Variants in FARS2 observed in about 807,000 individuals in gnomAD.
FARS2 encodes phenylalanine--tRNA ligase, mitochondrial.
A neutral mutation model predicts 46.4 loss-of-function variants in FARS2; 40 were observed. The observed-to-expected ratio is 0.86, with a 90% confidence interval of 0.67 to 1.12. FARS2 has a LOEUF of 1.12. FARS2 is among the 50% of genes most tolerant of loss of function. The pLI is 0.00. For synonymous variants in FARS2, 234 were observed against 214.9 expected (o/e 1.09, Z -0.78); for missense variants, 513 against 567.9 (o/e 0.90, Z 0.98).
At chr6:5,757,446 A>C (rs1762264184) in intron 6 of FARS2, among the ~76,000 whole-genome samples, 2 of 152,138 alleles carry the variant, frequency 1.3e-5, no homozygotes, top group Non-Finnish European at 2.9e-5. Flanking sequence ...AAAGATAGCC[A>C]GACCTCCAAA....
chr6:5,590,310 AG>A (rs1773842523), intron 5 of FARS2, among the ~76,000 whole-genome samples: 1 of 152,266 alleles, frequency 6.6e-6, no homozygotes, highest in African/African-American at 2.4e-5. Flanking sequence ...TTCTCTGTGG[AG>A]CTTTCAGAGG....
intron 4 of FARS2, among the ~76,000 whole-genome samples, chr6:5,445,265 T>C (rs1011780564): frequency 2.0e-5 from 3 of 152,198 alleles, no homozygotes; most frequent in African/African-American, 7.2e-5. Flanking sequence ...TCTTGCTTCA[T>C]GGGATCACTG....
intron 2 of FARS2, among the ~76,000 whole-genome samples, chr6:5,388,267 G>A (rs187749921): frequency 2.0e-5 from 3 of 152,230 alleles, no homozygotes; most frequent in Non-Finnish European, 4.4e-5. Context: ...TGGCAGGGGG[G>A]AAATGGTTGC....
At chr6:5,578,581 G>C (rs1288665467) in intron 5 of FARS2, among the ~76,000 whole-genome samples, 1 of 151,880 alleles carries the variant, frequency 6.6e-6, no homozygotes, top group Non-Finnish European at 1.5e-5. Context: ...AGGCCGAGTT[G>C]GGCAGATCAT....
intron 6 of FARS2, among the ~76,000 whole-genome samples, chr6:5,649,558 C>T (rs1191047411): frequency 3.9e-5 from 6 of 152,204 alleles, no homozygotes; most frequent in Admixed American, 6.5e-5. Context: ...GGTGTTCGCC[C>T]TACCTGGCAC....
At chr6:5,514,090 A>T (rs896541339) in intron 4 of FARS2, among the ~76,000 whole-genome samples, 10 of 39,392 alleles carry the variant, frequency 2.5e-4, no homozygotes, top group African/African-American at 9.1e-4. Flanking sequence ...AAATCTGGAC[A>T]TATATATATA....
At chr6:5,299,780 C>A (rs538820626) in intron 1 of FARS2, among the ~76,000 whole-genome samples, 22 of 147,478 alleles carry the variant, frequency 1.5e-4, no homozygotes. Flanking sequence ...TGAGAACATG[C>A]GGTGTTTGGT....
chr6:5,303,889 T>G (rs1768503753), intron 1 of FARS2, among the ~76,000 whole-genome samples: 2 of 150,460 alleles, frequency 1.3e-5, no homozygotes, highest in African/African-American at 5.0e-5. Context: ...ACACTGCTCA[T>G]TTTTTGGCAA....
rs534478756 is a variant in FARS2 at position 5,431,847 on chromosome 6, T to C, written c.904+675T>C. ...TGAGGTTTCTTTTTAAGTCACTATC[T>C]GAATTGAGTAATTTTTAAGTCACTA... On this transcript the variant is annotated intron_variant, in intron 4 of 6. Transcript: ENST00000274680. 6.2e-4 allele frequency: 209 copies of C among 336,278 alleles called. 6 individuals carry two copies. The highest frequency in any genetic ancestry group is 5.0e-3 in the South Asian group (200 of 39,762). 20.8% of individuals were successfully genotyped at this position (336,278 alleles called of 1,614,324 possible).
chr6:5,357,587 C>G (rs1196773729), intron 1 of FARS2, among the ~76,000 whole-genome samples: 1 of 152,208 alleles, frequency 6.6e-6, no homozygotes, highest in East Asian at 1.9e-4. Flanking sequence ...GGTAAAACAT[C>G]TCTGGAATTA....
intron 1 of FARS2, among the ~76,000 whole-genome samples, chr6:5,285,057 C>G (rs953288327): frequency 1.3e-5 from 2 of 152,122 alleles, no homozygotes; most frequent in Non-Finnish European, 2.9e-5. Context: ...GTGCCTGGCT[C>G]TAAGAAGCCA....
chr6:5,717,858 A>G (rs374739630), intron 6 of FARS2, among the ~76,000 whole-genome samples: 20 of 151,304 alleles, frequency 1.3e-4, no homozygotes, highest in East Asian at 1.2e-3. Flanking sequence ...TTTTTCTACC[A>G]TGCCCTAGTT....
chr6:5,600,732 C>T (rs1231061420), intron 5 of FARS2, among the ~76,000 whole-genome samples: 1 of 152,134 alleles, frequency 6.6e-6, no homozygotes, highest in African/African-American at 2.4e-5. Flanking sequence ...GATAATTAAT[C>T]TAAAAGCTAA....
intron 6 of FARS2, among the ~76,000 whole-genome samples, chr6:5,705,992 G>A (rs950160491): frequency 1.3e-5 from 2 of 152,170 alleles, no homozygotes; most frequent in Non-Finnish European, 2.9e-5. Context: ...CCATCTGTTA[G>A]AGAAGCAGTC....
intron 5 of FARS2, among the ~76,000 whole-genome samples, chr6:5,562,760 T>C (rs1772072327): frequency 1.3e-5 from 2 of 150,802 alleles, no homozygotes; most frequent in African/African-American, 4.9e-5. Context: ...CTTTGTAATA[T>C]AAAATTAACT....
chr6:5,465,625 G>A (rs1247726938), intron 4 of FARS2, among the ~76,000 whole-genome samples: 1 of 152,058 alleles, frequency 6.6e-6, no homozygotes, highest in African/African-American at 2.4e-5. Flanking sequence ...TCTCAACCCA[G>A]TGTTACCTTC....
intron 5 of FARS2, chr6:5,609,757 C>A: frequency 6.6e-7 from 1 of 1,510,356 alleles, no homozygotes; most frequent in South Asian, 1.1e-5. Flanking sequence ...AGCCCCTTTT[C>A]TTGCCACTGC....
chr6:5,464,440 C>G (rs1765405060), intron 4 of FARS2, among the ~76,000 whole-genome samples: 1 of 152,218 alleles, frequency 6.6e-6, no homozygotes, highest in African/African-American at 2.4e-5. Flanking sequence ...TATTCCAGGT[C>G]TTCCTCACTA....
chr6:5,757,864 T>TA (rs1762289118), intron 6 of FARS2, among the ~76,000 whole-genome samples: 1 of 152,254 alleles, frequency 6.6e-6, no homozygotes, highest in Non-Finnish European at 1.5e-5. Flanking sequence ...CGGTTACTAT[T>TA]AATAAAATGT....
Sources: gnomAD v4.1 joint callset for allele counts (sites outside exome capture counted in the v4.1 genomes callset) on GRCh38, gnomAD v4.1.1 for gene constraint, MANE v1.5 for transcripts, NCBI Gene and HGNC (gene_info 2026-07-23, HGNC 2026-07-21) for gene names.